Variants in FBXL17 observed in about 807,000 individuals in gnomAD.
FBXL17 encodes F-box/LRR-repeat protein 17.
Under a neutral mutation model 66.2 loss-of-function variants are expected in FBXL17, and 22 were observed. The observed-to-expected ratio is 0.33, with a 90% CI of 0.24 to 0.47. FBXL17 has a LOEUF of 0.47. Ranked by LOEUF, FBXL17 falls within the 20% of genes least tolerant of loss-of-function variation. The pLI is 1.00. For synonymous variants in FBXL17, 474 were observed against 400.5 expected (o/e 1.18, Z -2.19); for missense variants, 878 against 948.2 (o/e 0.93, Z 0.97).
chr5:107,905,888 T>C (rs1288914575), intron 7 of FBXL17, among the ~76,000 whole-genome samples: 1 of 152,222 alleles, frequency 6.6e-6, no homozygotes, highest in Non-Finnish European at 1.5e-5. Context: ...TGGTAATTTG[T>C]GTGTCTACCT....
At chr5:108,257,061 G>A (rs1756607265) in intron 4 of FBXL17, among the ~76,000 whole-genome samples, 1 of 152,164 alleles carries the variant, frequency 6.6e-6, no homozygotes, top group South Asian at 2.1e-4. Flanking sequence ...AGTCCATTAG[G>A]CTTGGATCAC....
intron 4 of FBXL17, among the ~76,000 whole-genome samples, chr5:108,292,992 G>A (rs1329931926): frequency 3.3e-5 from 5 of 151,294 alleles, no homozygotes; most frequent in Non-Finnish European, 7.4e-5. Flanking sequence ...TGGGGAGGCT[G>A]AGGCAGAATG....
At chr5:108,288,947 A>C (rs547421041) in intron 4 of FBXL17, among the ~76,000 whole-genome samples, 137 of 152,238 alleles carry the variant, frequency 9.0e-4, no homozygotes, top group African/African-American at 3.1e-3. Flanking sequence ...ATCTCAAAAA[A>C]TGTTGGGAAG....
intron 4 of FBXL17, among the ~76,000 whole-genome samples, chr5:108,230,586 G>A (rs980731030): frequency 6.6e-6 from 1 of 152,068 alleles, no homozygotes; most frequent in Non-Finnish European, 1.5e-5. Context: ...GTAGGAGGGG[G>A]GTAAGGGATA....
chr5:107,866,795 T>C (rs921441359), intron 8 of FBXL17, among the ~76,000 whole-genome samples: 11 of 152,208 alleles, frequency 7.2e-5, no homozygotes, highest in African/African-American at 2.7e-4. Flanking sequence ...CATCTGAGTA[T>C]ATTAAAATCA....
At chr5:107,992,695 A>C (rs2112696197) in intron 7 of FBXL17, among the ~76,000 whole-genome samples, 1 of 152,284 alleles carries the variant, frequency 6.6e-6, no homozygotes, top group East Asian at 1.9e-4. Flanking sequence ...TAGTATAATA[A>C]CTTTCATGTA....
At chr5:108,293,599 C>T (rs1359310163) in intron 4 of FBXL17, among the ~76,000 whole-genome samples, 1 of 152,096 alleles carries the variant, frequency 6.6e-6, no homozygotes, top group Non-Finnish European at 1.5e-5. Context: ...TCCAAATAAA[C>T]CAGACTTGCT....
At chr5:108,333,340 A>G (rs1760223570) in intron 4 of FBXL17, among the ~76,000 whole-genome samples, 1 of 152,062 alleles carries the variant, frequency 6.6e-6, no homozygotes, top group Non-Finnish European at 1.5e-5. Context: ...GAGAGTATCA[A>G]AACCAAACAT....
intron 4 of FBXL17, among the ~76,000 whole-genome samples, chr5:108,281,748 GT>G (rs937932679): frequency 3.8e-4 from 58 of 151,708 alleles, no homozygotes; most frequent in African/African-American, 1.4e-3. Flanking sequence ...CAAAAAGTTG[GT>G]TTTTCAAAAA....
intron 7 of FBXL17, among the ~76,000 whole-genome samples, chr5:107,933,466 T>C (rs551274205): frequency 6.6e-6 from 1 of 152,332 alleles, no homozygotes; most frequent in Non-Finnish European, 1.5e-5. Flanking sequence ...TATGAGTTAA[T>C]AGGCTTCTCA....
intron 7 of FBXL17, among the ~76,000 whole-genome samples, chr5:107,979,147 T>A (rs1343040475): frequency 3.9e-5 from 6 of 152,236 alleles, no homozygotes; most frequent in Admixed American, 1.3e-4. Flanking sequence ...TATAAGTCAA[T>A]AAACTTAATA....
chr5:108,292,031 T>C (rs1355863187), intron 4 of FBXL17, among the ~76,000 whole-genome samples: 1 of 152,154 alleles, frequency 6.6e-6, no homozygotes, highest in Non-Finnish European at 1.5e-5. Context: ...AATTCAAAAA[T>C]GTAAATGGAT....
chr5:108,034,567 T>C (rs144182893), intron 6 of FBXL17, among the ~76,000 whole-genome samples: 9 of 152,286 alleles, frequency 5.9e-5, no homozygotes, highest in East Asian at 3.9e-4. Context: ...CTTGAGTAAA[T>C]TGCTCAATTT....
chr5:108,015,316 A>T (rs528336187), intron 7 of FBXL17, among the ~76,000 whole-genome samples: 2 of 152,322 alleles, frequency 1.3e-5, no homozygotes, highest in East Asian at 3.9e-4. Flanking sequence ...TGGAAAAAAA[A>T]GTGTGAATAA....
intron 3 of FBXL17, among the ~76,000 whole-genome samples, chr5:108,363,053 T>C (rs976912622): frequency 1.3e-5 from 2 of 152,002 alleles, no homozygotes; most frequent in Non-Finnish European, 2.9e-5. Context: ...CTTTCGTAAC[T>C]CTATTATACA....
intron 6 of FBXL17, among the ~76,000 whole-genome samples, chr5:108,117,569 G>A (rs370288766): frequency 4.6e-5 from 7 of 151,970 alleles, no homozygotes; most frequent in African/African-American, 1.5e-4. Flanking sequence ...TGCCTTTCAC[G>A]TACAAAAGAC....
intron 6 of FBXL17, among the ~76,000 whole-genome samples, chr5:108,123,646 A>G (rs1053327938): frequency 1.7e-4 from 26 of 152,150 alleles, no homozygotes; most frequent in Admixed American, 6.5e-5. Flanking sequence ...GTTTCATCTC[A>G]TTTCAGCATA....
At chr5:108,100,263 A>T (rs1749549648) in intron 6 of FBXL17, among the ~76,000 whole-genome samples, 1 of 152,156 alleles carries the variant, frequency 6.6e-6, no homozygotes. Context: ...ATCCTATGAA[A>T]CCATCAGTCT....
intron 6 of FBXL17, among the ~76,000 whole-genome samples, chr5:108,070,884 C>A (rs1748305836): frequency 6.6e-6 from 1 of 152,120 alleles, no homozygotes; most frequent in South Asian, 2.1e-4. Flanking sequence ...TAATTTGCAG[C>A]AGGATGTTAA....
Sources: gnomAD v4.1 joint callset for allele counts (sites outside exome capture counted in the v4.1 genomes callset) on GRCh38, gnomAD v4.1.1 for gene constraint, MANE v1.5 for transcripts, NCBI Gene and HGNC (gene_info 2026-07-23, HGNC 2026-07-21) for gene names.